PTPRD: variants seen among roughly 807,000 people sequenced by gnomAD.
PTPRD encodes the protein protein tyrosine phosphatase receptor type D, also known as receptor-type tyrosine-protein phosphatase delta.
A neutral mutation model predicts 214.5 loss-of-function variants in PTPRD; 34 were observed. That is an observed-to-expected ratio of 0.16 (90% confidence interval 0.12 to 0.21). PTPRD has a LOEUF of 0.21. Among genes scored for constraint, PTPRD ranks in the 10% least tolerant of loss-of-function variants. The pLI, the probability that PTPRD is intolerant of heterozygous loss-of-function variation, is 1.00. For missense variants in PTPRD, 2,545 were observed against 2,398.7 expected, an observed-to-expected ratio of 1.06 and a Z score of -1.27; for synonymous variants, 1,128 against 845.7, an observed-to-expected ratio of 1.33 and a Z score of -5.79.
intron 3 of PTPRD, among the ~76,000 whole-genome samples, chr9:10,110,999 G>T (rs1199178283): frequency 3.9e-5 from 6 of 151,996 alleles, no homozygotes. Context: ...TGTCTTTCTG[G>T]ATTCAACACA....
chr9:9,899,991 A>G (rs181538853), intron 5 of PTPRD, among the ~76,000 whole-genome samples: 2 of 152,314 alleles, frequency 1.3e-5, no homozygotes, highest in Admixed American at 1.3e-4. Context: ...AGAAGCAGAA[A>G]GTAGAATAAT....
At chr9:8,508,469 T>C (rs1315402091) in intron 21 of PTPRD, among the ~76,000 whole-genome samples, 1 of 152,182 alleles carries the variant, frequency 6.6e-6, no homozygotes, top group African/African-American at 2.4e-5. Context: ...TTCCCAATTG[T>C]AAAACATTTT....
At chr9:8,651,480 G>C (rs59588995) in intron 12 of PTPRD, among the ~76,000 whole-genome samples, 2 of 152,134 alleles carry the variant, frequency 1.3e-5, no homozygotes, top group African/African-American at 4.8e-5. Context: ...TTGGTTTGTA[G>C]ATGGAAATAA....
intron 5 of PTPRD, among the ~76,000 whole-genome samples, chr9:9,815,937 T>G (rs2048619790): frequency 6.6e-6 from 1 of 152,162 alleles, no homozygotes; most frequent in African/African-American, 2.4e-5. Flanking sequence ...AAATGGTAGC[T>G]ATGTGAGGTG....
At chr9:8,890,143 T>C (rs1409021329) in intron 11 of PTPRD, among the ~76,000 whole-genome samples, 1 of 152,238 alleles carries the variant, frequency 6.6e-6, no homozygotes, top group Non-Finnish European at 1.5e-5. Context: ...AAAATAAATA[T>C]ATGTCAGAAT....
intron 3 of PTPRD, among the ~76,000 whole-genome samples, chr9:10,077,316 G>A (rs2098147800): frequency 1.3e-5 from 2 of 151,992 alleles, no homozygotes; most frequent in Admixed American, 6.6e-5. Flanking sequence ...CATATTTCCA[G>A]TAATTCATGC....
chr9:9,629,077 G>A (rs1034668660), intron 7 of PTPRD, among the ~76,000 whole-genome samples: 1 of 151,772 alleles, frequency 6.6e-6, no homozygotes, highest in Non-Finnish European at 1.5e-5. Flanking sequence ...AGGAGGCTGA[G>A]GCAGGAGAAT....
chr9:9,094,461 C>T (rs917966117), intron 10 of PTPRD, among the ~76,000 whole-genome samples: 1 of 152,044 alleles, frequency 6.6e-6, no homozygotes, highest in Non-Finnish European at 1.5e-5. Flanking sequence ...TAAGTGGGAG[C>T]TAAGCTAGGA....
intron 2 of PTPRD, among the ~76,000 whole-genome samples, chr9:10,491,927 T>C (rs1195002351): frequency 2.0e-5 from 3 of 152,166 alleles, no homozygotes; most frequent in African/African-American, 7.2e-5. Flanking sequence ...TGTGTTCTCA[T>C]TGTTCAACTC....
At chr9:8,332,381 AT>A (rs1373007944) in intron 43 of PTPRD, among the ~76,000 whole-genome samples, 8 of 152,266 alleles carry the variant, frequency 5.3e-5, no homozygotes, top group African/African-American at 1.9e-4. Flanking sequence ...GGGACATAGC[AT>A]GAACCATATG....
chr9:9,607,184 A>G (rs2154341975), intron 7 of PTPRD, among the ~76,000 whole-genome samples: 1 of 152,102 alleles, frequency 6.6e-6, no homozygotes, highest in South Asian at 2.1e-4. Flanking sequence ...TTAGAAGAGT[A>G]GCAACATAAT....
intron 3 of PTPRD, among the ~76,000 whole-genome samples, chr9:10,194,467 T>C (rs566187158): frequency 2.0e-5 from 3 of 151,296 alleles, no homozygotes; most frequent in East Asian, 1.9e-4. Flanking sequence ...AAAGTGAGAA[T>C]TGTTTATTGA....
intron 8 of PTPRD, among the ~76,000 whole-genome samples, chr9:9,558,827 C>T (rs149419971): frequency 9.3e-4 from 142 of 152,298 alleles, no homozygotes; most frequent in African/African-American, 3.0e-3. Flanking sequence ...ATTACGAATT[C>T]GGGGACACCC....
At chr9:9,651,829 T>G (rs949914838) in intron 7 of PTPRD, among the ~76,000 whole-genome samples, 2 of 119,214 alleles carry the variant, frequency 1.7e-5, no homozygotes, top group African/African-American at 7.4e-5. Flanking sequence ...AAGGTTTGTT[T>G]TTTTTTTTTT....
At chr9:9,929,773 G>C (rs2085724703) in intron 5 of PTPRD, among the ~76,000 whole-genome samples, 1 of 152,162 alleles carries the variant, frequency 6.6e-6, no homozygotes, top group Non-Finnish European at 1.5e-5. Context: ...TCCCTAGGAA[G>C]TTTAAATTTA....
intron 4 of PTPRD, among the ~76,000 whole-genome samples, chr9:10,006,029 T>C (rs2096466144): frequency 6.6e-6 from 1 of 151,990 alleles, no homozygotes; most frequent in Admixed American, 6.6e-5. Context: ...TATACACATA[T>C]GTACATATGC....
At chr9:8,505,853 T>G (rs772722188) in intron 22 of PTPRD, among the ~76,000 whole-genome samples, 45 of 152,122 alleles carry the variant, frequency 3.0e-4, no homozygotes, top group Non-Finnish European at 3.4e-4. Flanking sequence ...ATATGTATGT[T>G]TGTGTCTATG....
In PTPRD at chr9:9,937,157, A is replaced by C. The variant is rs893167113; in HGVS notation, c.-368+1350T>G. ...GAGTTAATGGGTGCAGCGCACCAGC[A>C]TGGCACATGTATACATATGTAACTA... On this transcript the variant is annotated intron_variant, in intron 5 of 45. Coordinates refer to ENST00000381196, the MANE Select transcript of PTPRD (RefSeq NM_002839.4). Among the ~76,000 whole-genome samples, 141 of 152,208 alleles carry C rather than the reference A, an allele frequency of 9.3e-4. 1 individual carries two copies. The highest frequency in any genetic ancestry group is 3.2e-3 in the African/African-American group (133 of 41,542).
At chr9:8,543,126 G>A (rs991330833) in intron 14 of PTPRD, among the ~76,000 whole-genome samples, 1 of 152,106 alleles carries the variant, frequency 6.6e-6, no homozygotes, top group Non-Finnish European at 1.5e-5. Flanking sequence ...CAATTAAATA[G>A]ATATAAGTTT....
Sources: gnomAD v4.1 joint callset for allele counts (sites outside exome capture counted in the v4.1 genomes callset) on GRCh38, gnomAD v4.1.1 for gene constraint, MANE v1.5 for transcripts, NCBI Gene and HGNC (gene_info 2026-07-23, HGNC 2026-07-21) for gene names.